The following ELMO1 variants were observed in gnomAD, a reference collection of about 807,000 sequenced individuals.
The protein encoded by ELMO1 is engulfment and cell motility 1, also known as engulfment and cell motility protein 1.
ELMO1 carries 26 observed loss-of-function variants against 98.9 expected under a neutral mutation model. That is an observed-to-expected ratio of 0.26 (90% CI 0.19 to 0.36). The LOEUF (loss-of-function observed/expected upper bound fraction) is 0.36. Ranked by LOEUF, ELMO1 falls within the 10% of genes least tolerant of loss-of-function variation. The pLI is 1.00. For synonymous variants in ELMO1, 346 were observed against 346.0 expected (o/e 1.00, Z 0.00); for missense variants, 627 against 935.2 (o/e 0.67, Z 4.30).
chr7:37,026,079 C>G (rs940947299), intron 15 of ELMO1, among the ~76,000 whole-genome samples: 7 of 152,102 alleles, frequency 4.6e-5, no homozygotes, highest in Admixed American at 4.6e-4. Flanking sequence ...TCTGCATACC[C>G]TTGTTAAAAC....
At chr7:37,439,751 G>A (rs745561310) in intron 1 of ELMO1, among the ~76,000 whole-genome samples, 2 of 152,208 alleles carry the variant, frequency 1.3e-5, no homozygotes, top group Non-Finnish European at 2.9e-5. Flanking sequence ...ACCTTCAGTT[G>A]GAGAATGGAC....
intron 17 of ELMO1, 47 bp downstream of exon 17, chr7:36,894,807 T>G: frequency 6.2e-7 from 1 of 1,610,328 alleles, no homozygotes. Context: ...CTAGAAATAG[T>G]GGGTTAGAGT....
chr7:37,114,791 A>G (rs960549267), intron 14 of ELMO1, among the ~76,000 whole-genome samples: 3 of 152,342 alleles, frequency 2.0e-5, no homozygotes, highest in Middle Eastern at 3.4e-3. Flanking sequence ...TGAAAACTGG[A>G]AAGCAATATA....
Position 37,155,903 on chromosome 7 carries a change from C to T in ELMO1, c.1087-22669G>A, listed in dbSNP as rs1788729348. Among the ~76,000 whole-genome samples, 5 of 152,040 alleles carry T rather than the reference C, an allele frequency of 3.3e-5. No homozygotes were observed. The South Asian group carries it at 1.0e-3, about 32-fold the overall frequency. Reference sequence around the variant, plus strand: ...TCAGCACGACATCGCACTTATTCCACAATTGACCACATAATTGGAAGTAAA... The same window carrying T: ...TCAGCACGACATCGCACTTATTCCATAATTGACCACATAATTGGAAGTAAA... On this transcript the variant is annotated intron_variant, in intron 13 of 21. Transcript: ENST00000310758.
chr7:36,896,404 G>A (rs1046603508), intron 16 of ELMO1, among the ~76,000 whole-genome samples: 2 of 152,180 alleles, frequency 1.3e-5, no homozygotes, highest in Admixed American at 6.5e-5. Context: ...TAAGAAAGGT[G>A]GACATGGCCA....
intron 2 of ELMO1, among the ~76,000 whole-genome samples, chr7:37,340,729 C>A (rs1307230765): frequency 6.6e-6 from 1 of 151,972 alleles, no homozygotes; most frequent in Non-Finnish European, 1.5e-5. Flanking sequence ...CCAAAATAAG[C>A]AGATAATTTA....
rs1269531884 is a variant in ELMO1 at position 37,139,729 on chromosome 7, A to G, written c.1087-6495T>C. Reference sequence around the variant, plus strand: ...TAGAAAAAATAATCCTAAAATTCATATGGAACCAAAAAAGAGCCCACAGAG... The same window carrying G: ...TAGAAAAAATAATCCTAAAATTCATGTGGAACCAAAAAAGAGCCCACAGAG... On this transcript the variant is annotated intron_variant, in intron 13 of 21. Coordinates refer to ENST00000310758, the MANE Select transcript of ELMO1 (RefSeq NM_014800.11). 5.3e-5 allele frequency among the ~76,000 whole-genome samples: 8 copies of G among 152,316 alleles called. No individual in the cohort carries two copies. In the East Asian group the frequency reaches 1.3e-3, roughly 26 times the overall value.
At chr7:37,254,871 A>G (rs746691434) in intron 6 of ELMO1, among the ~76,000 whole-genome samples, 9 of 152,184 alleles carry the variant, frequency 5.9e-5, no homozygotes, top group Admixed American at 2.0e-4. Flanking sequence ...ATTCTCTCAC[A>G]TTGTATAATA....
chr7:37,239,024 G>A (rs758667326), intron 7 of ELMO1, among the ~76,000 whole-genome samples: 1 of 152,054 alleles, frequency 6.6e-6, no homozygotes, highest in Non-Finnish European at 1.5e-5. Context: ...AGTGATACTG[G>A]TATCATAAAA....
chr7:37,232,528 C>T (rs942381090), intron 8 of ELMO1, among the ~76,000 whole-genome samples: 5 of 152,226 alleles, frequency 3.3e-5, no homozygotes, highest in African/African-American at 1.2e-4. Context: ...CATCTTCCTG[C>T]ACCAGGTCCA....
At chr7:37,336,636 T>G (rs959446670) in intron 2 of ELMO1, among the ~76,000 whole-genome samples, 1 of 151,934 alleles carries the variant, frequency 6.6e-6, no homozygotes, top group Admixed American at 6.6e-5. Context: ...AGGAAGAATC[T>G]CAGGCACTGA....
intron 16 of ELMO1, among the ~76,000 whole-genome samples, chr7:36,909,030 G>A (rs1784162438): frequency 6.6e-6 from 1 of 152,178 alleles, no homozygotes; most frequent in Non-Finnish European, 1.5e-5. Flanking sequence ...AATGACAGAA[G>A]AGAGACTTGA....
intron 13 of ELMO1, among the ~76,000 whole-genome samples, chr7:37,145,939 C>T (rs1379378353): frequency 6.6e-6 from 1 of 152,134 alleles, no homozygotes; most frequent in East Asian, 1.9e-4. Context: ...ATACATGCCT[C>T]CCTCTCCTCA....
chr7:37,098,956 T>C (rs1223788467), intron 14 of ELMO1, among the ~76,000 whole-genome samples: 3 of 152,242 alleles, frequency 2.0e-5, no homozygotes, highest in Non-Finnish European at 4.4e-5. Context: ...TAACATTCTA[T>C]TAACATTTCA....
At chr7:37,175,926 A>G (rs1792784201) in intron 13 of ELMO1, among the ~76,000 whole-genome samples, 1 of 152,234 alleles carries the variant, frequency 6.6e-6, no homozygotes, top group Non-Finnish European at 1.5e-5. Flanking sequence ...TTCTCAGTGT[A>G]TAAGAACATA....
intron 13 of ELMO1, among the ~76,000 whole-genome samples, chr7:37,206,663 T>G (rs527824786): frequency 6.6e-6 from 1 of 152,290 alleles, no homozygotes; most frequent in South Asian, 2.1e-4. Flanking sequence ...TCTTAAAAAT[T>G]TGAACATGAA....
intron 13 of ELMO1, among the ~76,000 whole-genome samples, chr7:37,206,905 C>T (rs1314770461): frequency 6.6e-6 from 1 of 151,054 alleles, no homozygotes; most frequent in African/African-American, 2.4e-5. Flanking sequence ...AAAAAAAAAG[C>T]CTTGTCTGAT....
At chr7:36,938,612 T>C (rs1269303076) in intron 16 of ELMO1, among the ~76,000 whole-genome samples, 1 of 152,250 alleles carries the variant, frequency 6.6e-6, no homozygotes, top group Non-Finnish European at 1.5e-5. Flanking sequence ...AAGGTATGCA[T>C]ATATCATATT....
chr7:37,369,542 C>G (rs1178397329), intron 1 of ELMO1, among the ~76,000 whole-genome samples: 1 of 151,804 alleles, frequency 6.6e-6, no homozygotes, highest in Non-Finnish European at 1.5e-5. Flanking sequence ...TTAAACAAAA[C>G]AATTCCAGAG....
Sources: allele counts gnomAD v4.1 joint callset (sites outside exome capture counted in the v4.1 genomes callset), GRCh38; gene constraint gnomAD v4.1.1; transcripts MANE v1.5; gene names NCBI Gene and HGNC (gene_info 2026-07-23, HGNC 2026-07-21).